ARID4A: variants seen among roughly 807,000 people sequenced by gnomAD.
ARID4A encodes AT-rich interaction domain 4A, also known as AT-rich interactive domain-containing protein 4A.
ARID4A carries 39 observed loss-of-function variants against 148.6 expected under a neutral mutation model. The ratio of observed to expected loss-of-function variants is 0.26; its 90% CI spans 0.20 to 0.34. The LOEUF (loss-of-function observed/expected upper bound fraction) is 0.34, where lower values mean the gene tolerates loss of function less well. Ranked by LOEUF, ARID4A falls within the 10% of genes least tolerant of loss-of-function variation. The pLI, the probability that ARID4A is intolerant of heterozygous loss-of-function variation, is 1.00. For missense variants in ARID4A, 1,265 were observed against 1,449.1 expected (o/e 0.87, Z 2.06); for synonymous variants, 475 against 481.2 (o/e 0.99, Z 0.17).
Position 58,350,957 on chromosome 14 carries a change from A to G in ARID4A, c.1405-116A>G, listed in dbSNP as rs1359305702. 5.8e-6 allele frequency: 6 copies of G among 1,034,386 alleles called. No individual in the cohort carries two copies. The African/African-American group carries it at 6.6e-5, about 11-fold the overall frequency. 64.1% of individuals were successfully genotyped at this position (1,034,386 alleles called of 1,614,324 possible). ...GAAAGGTACCTTTGAGTTGGTTTTC[A>G]GGGCCACGTTTCAAGCCAGAGACAT... On this transcript the variant is annotated intron_variant, in intron 15 of 23. Coordinates refer to ENST00000355431, the MANE Select transcript of ARID4A (RefSeq NM_002892.4).
At chr14:58,369,096 A>C (rs1453454923) in intron 23 of ARID4A, among the ~76,000 whole-genome samples, 1 of 152,234 alleles carries the variant, frequency 6.6e-6, no homozygotes, top group East Asian at 1.9e-4. Context: ...GAGGGTCAAA[A>C]AGACAATAGG....
chr14:58,310,851 TG>T (rs1414115395), intron 5 of ARID4A, among the ~76,000 whole-genome samples: 1 of 151,896 alleles, frequency 6.6e-6, no homozygotes, highest in East Asian at 1.9e-4. Flanking sequence ...CCTTCATAAT[TG>T]GAAAAAATAT....
intron 17 of ARID4A, 99 bp from the exon 18 acceptor site, chr14:58,359,033 A>T (rs1244939975): frequency 3.9e-6 from 5 of 1,292,946 alleles, no homozygotes; most frequent in Non-Finnish European, 5.3e-6. Context: ...CAAACTATTT[A>T]ATCTGTCTCA....
At chr14:58,334,817 A>G (rs562256564) in intron 11 of ARID4A, among the ~76,000 whole-genome samples, 1 of 151,932 alleles carries the variant, frequency 6.6e-6, no homozygotes, top group African/African-American at 2.4e-5. Flanking sequence ...TACTCCTTTC[A>G]GTTATATCCT....
chr14:58,335,684 A>G (rs2033778096), intron 11 of ARID4A, among the ~76,000 whole-genome samples: 1 of 152,052 alleles, frequency 6.6e-6, no homozygotes, highest in African/African-American at 2.4e-5. Flanking sequence ...CTTTTTCCCT[A>G]AACCTATCCT....
At chr14:58,343,100 G>A (rs1043320309) in intron 11 of ARID4A, among the ~76,000 whole-genome samples, 3 of 152,026 alleles carry the variant, frequency 2.0e-5, no homozygotes, top group Non-Finnish European at 4.4e-5. Flanking sequence ...CTATTTTCTT[G>A]AGTTAACTCA....
At chr14:58,350,682 T>TA (rs568853481) in intron 15 of ARID4A, among the ~76,000 whole-genome samples, 60 of 152,230 alleles carry the variant, frequency 3.9e-4, no homozygotes, top group Non-Finnish European at 8.1e-4. Flanking sequence ...TTGGTTTTAT[T>TA]ATTGTTACGT....
In ARID4A at chr14:58,365,629, G is replaced by A; in HGVS notation, c.3316+7G>A. On this transcript the variant is annotated splice_region_variant and intron_variant, in intron 21 of 23. Coordinates refer to ENST00000355431, the MANE Select transcript of ARID4A (RefSeq NM_002892.4). ...AATGAAAAGAATGGAACAGGTTGGT[G>A]TCTTTCAATGCTAGCTTTTGTATAG... 6.2e-7 allele frequency: 1 copy of A among 1,608,460 alleles called. No individual in the cohort carries two copies. Among genetic ancestry groups the A allele is most frequent in the Non-Finnish European group, 8.5e-7 (1 of 1,176,158 alleles).
chr14:58,368,074 C>G (rs2035434277), intron 23 of ARID4A, among the ~76,000 whole-genome samples: 1 of 152,070 alleles, frequency 6.6e-6, no homozygotes, highest in South Asian at 2.1e-4. Flanking sequence ...ACCCCCAACT[C>G]AAGCAGAAAA....
intron 8 of ARID4A, among the ~76,000 whole-genome samples, chr14:58,324,416 C>T (rs920909256): frequency 2.0e-5 from 3 of 152,144 alleles, no homozygotes; most frequent in Admixed American, 2.0e-4. Context: ...GCTACAAGTA[C>T]AGGAGTGTGC....
At chr14:58,348,020 T>G in intron 15 of ARID4A, 142 bp downstream of exon 15, 1 of 600,972 alleles carries the variant, frequency 1.7e-6, no homozygotes, top group African/African-American at 1.9e-5. Context: ...GCTACTTTTT[T>G]CGAAATATAT....
intron 11 of ARID4A, among the ~76,000 whole-genome samples, chr14:58,339,177 A>G (rs1401474405): frequency 6.6e-6 from 1 of 151,498 alleles, no homozygotes; most frequent in Non-Finnish European, 1.5e-5. Context: ...AAGTTTCGCT[A>G]TGTTGCCCAG....
In ARID4A at chr14:58,373,585, G is replaced by T. The variant is rs2140286802; in HGVS notation, c.*1596G>T. The T allele has an allele frequency of 5.7e-6, 1 of 176,350 alleles. No individual in the cohort carries two copies. The highest frequency in any genetic ancestry group is 9.6e-5 in the East Asian group (1 of 10,374). 10.9% of individuals were successfully genotyped at this position (176,350 alleles called of 1,614,324 possible). A position where few individuals can be genotyped will look rare whatever the true frequency, so the allele number is the denominator to read the frequency against. On this transcript the variant is annotated 3_prime_UTR_variant, in exon 24 of 24. Transcript: ENST00000355431. ...TACTACATTGTGAACTTGTGATTCAGATTCCATTTTCTCAGAGAATTAAAA... is the reference window on the plus strand; with the variant it reads ...TACTACATTGTGAACTTGTGATTCATATTCCATTTTCTCAGAGAATTAAAA...
intron 2 of ARID4A, among the ~76,000 whole-genome samples, chr14:58,300,874 G>A (rs1324965174): frequency 6.6e-6 from 1 of 151,082 alleles, no homozygotes; most frequent in Non-Finnish European, 1.5e-5. Context: ...AAATTAAAAT[G>A]AGTGGTAGAG....
intron 19 of ARID4A, among the ~76,000 whole-genome samples, chr14:58,362,644 A>G (rs1230660355): frequency 6.6e-6 from 1 of 151,406 alleles, no homozygotes; most frequent in African/African-American, 2.4e-5. Context: ...TGCAACCTCC[A>G]CCTCCTGGGT....
At chr14:58,310,290 A>T (rs1336647079) in intron 5 of ARID4A, among the ~76,000 whole-genome samples, 1 of 151,350 alleles carries the variant, frequency 6.6e-6, no homozygotes. Flanking sequence ...AGTTGATTCT[A>T]TGAATAACAG....
chr14:58,353,090 C>T (rs1274535394), intron 16 of ARID4A, among the ~76,000 whole-genome samples: 3 of 151,954 alleles, frequency 2.0e-5, no homozygotes. Context: ...GGTAGATAGC[C>T]CTTGTTCATT....
chr14:58,304,786 G>A (rs542493090), intron 3 of ARID4A, among the ~76,000 whole-genome samples, 158 bp from the exon 4 acceptor site: 2 of 152,250 alleles, frequency 1.3e-5, no homozygotes, highest in East Asian at 1.9e-4. Context: ...CCCTCAAGGA[G>A]CTCACAGTTA....
At chr14:58,308,753 G>A (rs2031797472) in intron 5 of ARID4A, among the ~76,000 whole-genome samples, 1 of 152,110 alleles carries the variant, frequency 6.6e-6, no homozygotes, top group Non-Finnish European at 1.5e-5. Context: ...GCTCTTTTCT[G>A]GAATTTTTTT....
Sources: allele counts gnomAD v4.1 joint callset (sites outside exome capture counted in the v4.1 genomes callset), GRCh38; gene constraint gnomAD v4.1.1; transcripts MANE v1.5; gene names NCBI Gene and HGNC (gene_info 2026-07-23, HGNC 2026-07-21).